Variants in MREG observed in about 807,000 individuals in gnomAD.
MREG encodes melanoregulin, also known as dilute suppressor protein homolog.
A neutral mutation model predicts 28.5 loss-of-function variants in MREG; 31 were observed. The ratio of observed to expected loss-of-function variants is 1.09; its 90% confidence interval spans 0.82 to 1.47. The LOEUF (loss-of-function observed/expected upper bound fraction) is 1.47. Ranked by LOEUF, MREG falls within the 40% of genes most tolerant of loss-of-function variation. MREG has a pLI of 0.00. For synonymous variants in MREG, 106 were observed against 95.2 expected, an observed-to-expected ratio of 1.11 and a Z score of -0.66; for missense variants, 256 against 257.4, an observed-to-expected ratio of 0.99 and a Z score of 0.04.
At chr2:216,030,729 C>T (rs71352149) in intron 1 of MREG, among the ~76,000 whole-genome samples, 81,000 of 145,286 alleles carry the variant, frequency 0.56, 22,617 homozygotes, top group Admixed American at 0.59. Context: ...TTCTTTCTTT[C>T]TTTTTTTTTT....
At position 215,982,045 on chromosome 2, in the gene MREG, G is replaced by A. The variant is rs1471027706; in HGVS notation, c.255+14261C>T. On this transcript the variant is annotated intron_variant, in intron 2 of 4. Coordinates refer to ENST00000263268, the MANE Select transcript of MREG (RefSeq NM_018000.3). ...CTACTTAGTAAGAAACACTGGCCGG[G>A]CACGGTGGCTCACACCTGTAATCCC... Among the ~76,000 whole-genome samples the A allele has an allele frequency of 2.0e-5, 3 of 152,282 alleles. No individual in the cohort carries two copies. In the East Asian group the frequency reaches 5.8e-4, roughly 29 times the overall value.
intron 1 of MREG, among the ~76,000 whole-genome samples, chr2:216,004,191 C>T (rs1694092925): frequency 6.6e-6 from 1 of 152,196 alleles, no homozygotes; most frequent in African/African-American, 2.4e-5. Context: ...CCTCCCTCTC[C>T]TTCAAGTCTT....
intron 1 of MREG, among the ~76,000 whole-genome samples, chr2:216,031,879 T>C (rs1221781089): frequency 6.6e-6 from 1 of 152,206 alleles, no homozygotes; most frequent in Admixed American, 6.5e-5. Context: ...TTTATCTTCC[T>C]CCTCATCTTT....
At chr2:216,002,808 C>T (rs1694051196) in intron 1 of MREG, among the ~76,000 whole-genome samples, 1 of 148,196 alleles carries the variant, frequency 6.7e-6, no homozygotes, top group Non-Finnish European at 1.5e-5. Flanking sequence ...TCCTTTCTCC[C>T]TCTCCTCTTT....
chr2:216,014,164 C>T (rs756541195), upstream of MREG, among the ~76,000 whole-genome samples: 7 of 152,110 alleles, frequency 4.6e-5, no homozygotes, highest in Non-Finnish European at 7.4e-5. Flanking sequence ...ATCATGGAGG[C>T]TGTCCCTTGT....
chr2:216,005,560 T>G (rs1311055894), intron 1 of MREG, among the ~76,000 whole-genome samples: 1 of 151,144 alleles, frequency 6.6e-6, no homozygotes. Context: ...CAAGTGATTC[T>G]TCTTCCTCAG....
chr2:216,002,873 C>T (rs914194595), intron 1 of MREG, among the ~76,000 whole-genome samples: 8 of 149,836 alleles, frequency 5.3e-5, no homozygotes, highest in African/African-American at 9.9e-5. Context: ...TTGTTTTTCT[C>T]TCTCCCTGTC....
Position 215,966,274 on chromosome 2 carries a change from G to A in MREG, c.256-19161C>T, listed in dbSNP as rs531823414. Among the ~76,000 whole-genome samples the A allele has an allele frequency of 6.6e-5, 10 of 152,300 alleles. No individual in the cohort carries two copies. The South Asian group carries it at 1.0e-3, about 16-fold the overall frequency. On this transcript the variant is annotated intron_variant, in intron 2 of 4. Transcript: ENST00000263268. Reference sequence around the variant, plus strand: ...TAATGATGGGTAAAATTCATGATCCGCGTGGATCTGATTTGACAATGGGTT... The same window carrying A: ...TAATGATGGGTAAAATTCATGATCCACGTGGATCTGATTTGACAATGGGTT...
chr2:215,999,008 A>G (rs1693944348), intron 1 of MREG, among the ~76,000 whole-genome samples: 1 of 152,244 alleles, frequency 6.6e-6, no homozygotes, highest in African/African-American at 2.4e-5. Context: ...ACCAGACCTG[A>G]GGACTGAACA....
chr2:215,972,617 GAAA>G (rs34332971), intron 2 of MREG, among the ~76,000 whole-genome samples: 18 of 103,658 alleles, frequency 1.7e-4, no homozygotes, highest in South Asian at 3.1e-4. Context: ...CTCTCTCCCA[GAAA>G]AAAAAAAAAA....
At chr2:216,023,809 A>G (rs1370000369) in intron 1 of MREG, among the ~76,000 whole-genome samples, 1 of 152,096 alleles carries the variant, frequency 6.6e-6, no homozygotes, top group Non-Finnish European at 1.5e-5. Context: ...CTGGGATTAC[A>G]GGCACCCACG....
At chr2:215,960,952 G>A (rs1692767671) in intron 2 of MREG, among the ~76,000 whole-genome samples, 1 of 152,226 alleles carries the variant, frequency 6.6e-6, no homozygotes. Flanking sequence ...ACCAGGCATG[G>A]TATGCAAGCG....
At chr2:215,951,999 A>G (rs1692500420) in intron 2 of MREG, among the ~76,000 whole-genome samples, 1 of 152,206 alleles carries the variant, frequency 6.6e-6, no homozygotes, top group Admixed American at 6.5e-5. Flanking sequence ...GATTCCACAT[A>G]TAAGTGAGAT....
intron 2 of MREG, among the ~76,000 whole-genome samples, chr2:215,966,487 G>C (rs920544240): frequency 1.3e-5 from 2 of 151,958 alleles, no homozygotes; most frequent in African/African-American, 4.8e-5. Context: ...AAACAAACCT[G>C]GTCACACTGA....
intron 2 of MREG, among the ~76,000 whole-genome samples, chr2:215,994,659 G>A (rs189710211): frequency 6.6e-6 from 1 of 151,874 alleles, no homozygotes; most frequent in East Asian, 1.9e-4. Context: ...AGCTTCTGGA[G>A]GACCCATCAC....
intron 2 of MREG, among the ~76,000 whole-genome samples, chr2:215,970,176 T>C (rs1483626765): frequency 6.6e-6 from 1 of 152,174 alleles, no homozygotes; most frequent in Non-Finnish European, 1.5e-5. Flanking sequence ...CCAGTACAAC[T>C]GCTTTCCCAA....
At chr2:216,017,655 C>T (rs1177936444), upstream of MREG, among the ~76,000 whole-genome samples, 1 of 152,172 alleles carries the variant, frequency 6.6e-6, no homozygotes, top group Non-Finnish European at 1.5e-5. Context: ...CCATCAGTGA[C>T]TCACAGACCC....
chr2:215,967,978 GTCTAGCAGCTTAAGA>G (rs1227069512), intron 2 of MREG, among the ~76,000 whole-genome samples: 1 of 152,172 alleles, frequency 6.6e-6, no homozygotes, highest in African/African-American at 2.4e-5. Flanking sequence ...CATGAATGAG[GTCTAGCAGCTTAAGA>G]TGCAAACACA....
intron 2 of MREG, among the ~76,000 whole-genome samples, chr2:215,981,030 A>G (rs926720847): frequency 6.6e-6 from 1 of 152,220 alleles, no homozygotes; most frequent in Non-Finnish European, 1.5e-5. Context: ...AAAATGGTAC[A>G]GATACTGTGG....
Sources: gnomAD v4.1 joint callset for allele counts (sites outside exome capture counted in the v4.1 genomes callset) on GRCh38, gnomAD v4.1.1 for gene constraint, MANE v1.5 for transcripts, NCBI Gene and HGNC (gene_info 2026-07-23, HGNC 2026-07-21) for gene names.